Variants in HHAT observed in about 807,000 individuals in gnomAD.
HHAT encodes hedgehog acyltransferase, also known as protein-cysteine N-palmitoyltransferase HHAT.
In HHAT, 47 loss-of-function variants were observed where a neutral mutation model predicts 70.8. The observed-to-expected ratio is 0.66, with a 90% CI of 0.53 to 0.85. HHAT has a LOEUF of 0.85. HHAT is among the 40% of genes least tolerant of loss of function. HHAT has a pLI of 0.00. For missense variants in HHAT, 609 were observed against 604.8 expected, an observed-to-expected ratio of 1.01 and a Z score of -0.07; for synonymous variants, 228 against 247.6, an observed-to-expected ratio of 0.92 and a Z score of 0.74.
At chr1:210,422,161 T>C (rs2092921949) in intron 7 of HHAT, among the ~76,000 whole-genome samples, 1 of 152,206 alleles carries the variant, frequency 6.6e-6, no homozygotes, top group Non-Finnish European at 1.5e-5. Context: ...CAAATAATAA[T>C]TGTACATACT....
At chr1:210,536,211 A>G (rs2148648855) in intron 9 of HHAT, among the ~76,000 whole-genome samples, 1 of 152,346 alleles carries the variant, frequency 6.6e-6, no homozygotes, top group African/African-American at 2.4e-5. Context: ...AAGTTCTGGG[A>G]CATTTGTATG....
In HHAT at chr1:210,641,296, A is replaced by G. The variant is rs1672925184; in HGVS notation, c.1390+17626A>G. 2.0e-5 allele frequency among the ~76,000 whole-genome samples: 3 copies of G among 152,174 alleles called. No individual in the cohort carries two copies. In the South Asian group the frequency reaches 6.2e-4, roughly 32 times the overall value. ...AATGCACAAGTGTTAAATGTGCCGA[A>G]TGATCAGTTTTTAAAATTGAAGACA... On this transcript the variant is annotated intron_variant, in intron 11 of 11. Transcript: ENST00000261458.
At chr1:210,398,439 A>T (rs763003745) in intron 4 of HHAT, among the ~76,000 whole-genome samples, 8 of 152,286 alleles carry the variant, frequency 5.3e-5, no homozygotes, top group Non-Finnish European at 8.8e-5. Flanking sequence ...GTGGGGGATG[A>T]ATATGGGACA....
At chr1:210,501,623 A>G (rs2094756123) in intron 8 of HHAT, among the ~76,000 whole-genome samples, 2 of 152,198 alleles carry the variant, frequency 1.3e-5, no homozygotes, top group Admixed American at 1.3e-4. Context: ...GCTGACGTCC[A>G]CAGTCCTGTC....
At chr1:210,461,755 T>C (rs1283101977) in intron 7 of HHAT, among the ~76,000 whole-genome samples, 1 of 152,206 alleles carries the variant, frequency 6.6e-6, no homozygotes, top group Non-Finnish European at 1.5e-5. Flanking sequence ...AAATCTTGTG[T>C]CTTTTCTATA....
intron 8 of HHAT, among the ~76,000 whole-genome samples, chr1:210,495,550 A>C (rs1251685878): frequency 6.6e-6 from 1 of 152,208 alleles, no homozygotes; most frequent in African/African-American, 2.4e-5. Context: ...GTTTGTTAGC[A>C]ATAAAGATCC....
chr1:210,398,101 C>A (rs1422801894), intron 4 of HHAT, among the ~76,000 whole-genome samples: 1 of 152,238 alleles, frequency 6.6e-6, no homozygotes. Flanking sequence ...CAGGTTCAAG[C>A]GATTCTCCTC....
At chr1:210,515,621 G>A (rs1260816553) in intron 9 of HHAT, among the ~76,000 whole-genome samples, 1 of 152,012 alleles carries the variant, frequency 6.6e-6, no homozygotes, top group Non-Finnish European at 1.5e-5. Context: ...AGCCGGGCAT[G>A]GTGGCGGGCT....
chr1:210,653,219 G>A (rs1675560685), intron 11 of HHAT, among the ~76,000 whole-genome samples: 15 of 152,066 alleles, frequency 9.9e-5, no homozygotes, highest in Admixed American at 9.8e-4. Flanking sequence ...TAGTACTTAG[G>A]TTCAAAAACA....
In HHAT at chr1:210,635,954, T is replaced by C. The variant is rs116165504; in HGVS notation, c.1390+12284T>C. Among the ~76,000 whole-genome samples the C allele has an allele frequency of 5.8e-3, 876 of 152,338 alleles. 3 individuals are homozygous for C. The highest frequency in any genetic ancestry group is 8.5e-3 in the Non-Finnish European group (581 of 68,030). ...GGGTGCCTTTTATAGAAAGTGTTTG[T>C]TCTCTGCAGATATTTTACAGATATT... On this transcript the variant is annotated intron_variant, in intron 11 of 11. Transcript: ENST00000261458.
intron 8 of HHAT, among the ~76,000 whole-genome samples, chr1:210,469,215 C>T (rs1267906205): frequency 1.3e-5 from 2 of 152,090 alleles, no homozygotes; most frequent in Non-Finnish European, 2.9e-5. Context: ...GAGATAGAGA[C>T]TATGGTGGAA....
intron 8 of HHAT, among the ~76,000 whole-genome samples, chr1:210,467,988 A>G (rs1464160593): frequency 6.6e-6 from 1 of 152,198 alleles, no homozygotes; most frequent in Admixed American, 6.5e-5. Context: ...ATTGACTGTG[A>G]AAAATTGCAA....
chr1:210,437,965 A>G (rs2093418471), intron 7 of HHAT, among the ~76,000 whole-genome samples: 2 of 151,902 alleles, frequency 1.3e-5, no homozygotes, highest in South Asian at 4.1e-4. Context: ...GCCATCTCAC[A>G]TATAAGGTTG....
intron 11 of HHAT, among the ~76,000 whole-genome samples, chr1:210,626,800 A>G (rs914418349): frequency 1.3e-5 from 2 of 152,210 alleles, no homozygotes; most frequent in Admixed American, 1.3e-4. Context: ...GGGTGTTCAT[A>G]TATGAGCTTT....
chr1:210,481,068 C>T (rs938053394), intron 8 of HHAT, among the ~76,000 whole-genome samples: 2 of 151,336 alleles, frequency 1.3e-5, no homozygotes, highest in African/African-American at 2.4e-5. Flanking sequence ...AATAAATAAG[C>T]GAATGATATG....
intron 2 of HHAT, among the ~76,000 whole-genome samples, chr1:210,352,301 T>C (rs2087107474): frequency 6.6e-6 from 1 of 152,184 alleles, no homozygotes. Flanking sequence ...AGAAATATCT[T>C]CCTCAAATGC....
At chr1:210,604,308 G>A (rs528283816) in intron 10 of HHAT, among the ~76,000 whole-genome samples, 4 of 150,378 alleles carry the variant, frequency 2.7e-5, no homozygotes, top group East Asian at 2.0e-4. Flanking sequence ...GGATGGTCTC[G>A]ATCTCCTGAC....
At chr1:210,622,085 C>G (rs980597060) in intron 10 of HHAT, among the ~76,000 whole-genome samples, 1 of 152,172 alleles carries the variant, frequency 6.6e-6, no homozygotes, top group African/African-American at 2.4e-5. Context: ...ACAGGAGATT[C>G]ACAGTAGGGC....
chr1:210,600,903 A>G (rs1490242907), intron 10 of HHAT, among the ~76,000 whole-genome samples: 2 of 152,110 alleles, frequency 1.3e-5, no homozygotes, highest in Non-Finnish European at 2.9e-5. Flanking sequence ...ATTTCATTGA[A>G]TAATTTAAAT....
Sources: gnomAD v4.1 joint callset for allele counts (sites outside exome capture counted in the v4.1 genomes callset) on GRCh38, gnomAD v4.1.1 for gene constraint, MANE v1.5 for transcripts, NCBI Gene and HGNC (gene_info 2026-07-23, HGNC 2026-07-21) for gene names.